SDAD1: variants seen among roughly 807,000 people sequenced by gnomAD.
SDAD1 encodes protein SDA1 homolog.
In SDAD1, 79 loss-of-function variants were observed where a neutral mutation model predicts 100.3. The ratio of observed to expected loss-of-function variants is 0.79; its 90% CI spans 0.66 to 0.95. SDAD1 has a LOEUF of 0.95. Among genes scored for constraint, SDAD1 ranks in the 40% least tolerant of loss-of-function variants. The pLI, the probability that SDAD1 is intolerant of heterozygous loss-of-function variation, is 0.00. For synonymous variants in SDAD1, 267 were observed against 271.4 expected (o/e 0.98, Z 0.16); for missense variants, 790 against 810.9 (o/e 0.97, Z 0.31).
chr4:75,978,982 G>GAAAAAAAAAA (rs538009004), intron 3 of SDAD1, among the ~76,000 whole-genome samples: 2,043 of 38,028 alleles, frequency 0.054, 378 homozygotes, highest in East Asian at 0.13. Flanking sequence ...CCCTGTCTCA[G>GAAAAAAAAAA]AAAAAAAAAA....
At position 75,950,514 on chromosome 4, in the gene SDAD1, T is replaced by C. The variant is rs1728573072; in HGVS notation, c.*236A>G. 1 of 447,878 alleles carries C rather than the reference T, an allele frequency of 2.2e-6. No individual in the cohort carries two copies. The highest frequency in any genetic ancestry group is 4.1e-6 in the Non-Finnish European group (1 of 241,584). The allele number at this position is 447,878 out of a possible 1,614,324, so 27.7% of individuals were successfully genotyped here. A position where few individuals can be genotyped will look rare whatever the true frequency, so the allele number is the denominator to read the frequency against. On this transcript the variant is annotated 3_prime_UTR_variant, in exon 22 of 22. Transcript: ENST00000356260. ...ATGAATAGGCACTCAATACATACTT[T>C]TTTTTGCATGAATGATAAATGAAAT... is the stretch of plus-strand genomic sequence containing the variant.
At chr4:75,973,486 G>A in intron 7 of SDAD1, 95 bp from the exon 8 acceptor site, 1 of 820,278 alleles carries the variant, frequency 1.2e-6, no homozygotes, top group Non-Finnish European at 2.0e-6. Context: ...CATGAACTAA[G>A]ATCTGAAGAA....
chr4:75,965,689 G>GA, intron 13 of SDAD1, 75 bp downstream of exon 13: 1 of 1,229,626 alleles, frequency 8.1e-7, no homozygotes. Flanking sequence ...AGGTTCCCCC[G>GA]ATAGACCCTG....
chr4:75,960,114 C>T lies in SDAD1; in HGVS notation c.1435G>A (p.Ala479Thr). The change falls in exon 17 of 22, where the codon GCA (alanine) becomes ACA (threonine). Residue 479 changes from alanine (A) to threonine (T), a missense_variant. Coordinates refer to ENST00000356260, the MANE Select transcript of SDAD1 (RefSeq NM_018115.4). The stretch of plus-strand genomic sequence containing the variant: ...TCTTTCTCAACTTCCAGAACTTCTG[C>T]TCCTGGAATGTAATCTTTAGCATCT... ...ELDAKDYIPG[A>T]EVLEVEKEEN... 6.2e-7 allele frequency: 1 copy of T among 1,611,380 alleles called. No individual in the cohort carries two copies. Among genetic ancestry groups the T allele is most frequent in the Non-Finnish European group, 8.5e-7 (1 of 1,179,272 alleles).
rs561682793 is a variant in SDAD1 at position 75,985,990 on chromosome 4, T to G, written c.91-3953A>C. ...CCTCCATGCGTATACTTCAACTCAC[T>G]TGCCCATTTCTCTTATCATTATACC... On this transcript the variant is annotated intron_variant, in intron 1 of 21. Coordinates refer to ENST00000356260, the MANE Select transcript of SDAD1 (RefSeq NM_018115.4). Among the ~76,000 whole-genome samples the G allele has an allele frequency of 5.3e-5, 8 of 152,300 alleles. No individual in the cohort carries two copies. The East Asian group carries it at 1.3e-3, about 26-fold the overall frequency.
intron 11 of SDAD1, among the ~76,000 whole-genome samples, chr4:75,968,836 C>T (rs879570839): frequency 1.3e-5 from 2 of 151,874 alleles, no homozygotes; most frequent in African/African-American, 2.4e-5. Flanking sequence ...TTGAGACCAG[C>T]CTGGCCAATA....
At chr4:75,971,814 G>C (rs1729882463) in intron 8 of SDAD1, among the ~76,000 whole-genome samples, 1 of 152,104 alleles carries the variant, frequency 6.6e-6, no homozygotes, top group Admixed American at 6.5e-5. Context: ...GGAAGTTACA[G>C]TGAGCTGAGA....
chr4:75,990,278 C>G (rs542069654), intron 1 of SDAD1, among the ~76,000 whole-genome samples: 75 of 144,284 alleles, frequency 5.2e-4, no homozygotes, highest in South Asian at 2.0e-3. Flanking sequence ...TGAGAAACCC[C>G]CCCCCCCCCT....
chr4:75,950,773 T>A lies in SDAD1; in HGVS notation c.2041A>T (p.Lys681Ter), dbSNP rs1728586015. 1 of 1,592,906 alleles carries A rather than the reference T, an allele frequency of 6.3e-7. No homozygotes were observed. Among genetic ancestry groups the A allele is most frequent in the African/African-American group, 1.3e-5 (1 of 74,648 alleles). Residue 681 changes from lysine (K) to a stop codon, truncating the protein, a stop_gained, in exon 22 of 22, where the codon AAA becomes TAA. Transcript: ENST00000356260. LOFTEE classifies it high-confidence loss of function. ...AGTTACTTCATTCTTTTTCTCTTTTTCAAAAGTGCATCTCGTAGTGCCAAC... is the reference window on the plus strand; with the variant it reads ...AGTTACTTCATTCTTTTTCTCTTTTACAAAAGTGCATCTCGTAGTGCCAAC... ...KQLALRDALL[K>*]KRKRMK is the part of the protein sequence containing the mutation.
intron 11 of SDAD1, among the ~76,000 whole-genome samples, chr4:75,967,991 T>C (rs535486908): frequency 6.6e-6 from 1 of 152,242 alleles, no homozygotes; most frequent in South Asian, 2.1e-4. Context: ...GGTATATCAG[T>C]TAGGTGGGAA....
At chr4:75,960,022 T>C (rs1729139348) in intron 17 of SDAD1, 44 bp downstream of exon 17, 1 of 1,582,054 alleles carries the variant, frequency 6.3e-7, no homozygotes, top group African/African-American at 1.3e-5. Context: ...GCACAGATAC[T>C]GCAGGAGTGT....
intron 9 of SDAD1, 82 bp downstream of exon 9, chr4:75,971,275 T>C (rs1239985786): frequency 2.0e-5 from 19 of 944,414 alleles, no homozygotes; most frequent in Non-Finnish European, 2.8e-5. Flanking sequence ...ACTCTGATTT[T>C]AAATTCTTAA....
intron 13 of SDAD1, among the ~76,000 whole-genome samples, chr4:75,965,347 T>C (rs1729477400): frequency 6.6e-6 from 1 of 152,214 alleles, no homozygotes; most frequent in Non-Finnish European, 1.5e-5. Context: ...ATGTTATCAA[T>C]GACAATGCGT....
chr4:75,984,178 A>C (rs903981672), intron 1 of SDAD1, among the ~76,000 whole-genome samples: 7 of 151,570 alleles, frequency 4.6e-5, no homozygotes, highest in African/African-American at 7.3e-5. Context: ...AAAAAAAAAA[A>C]AAAGACTAGG....
intron 3 of SDAD1, among the ~76,000 whole-genome samples, chr4:75,980,283 T>C (rs990577585): frequency 6.6e-6 from 1 of 152,164 alleles, no homozygotes; most frequent in African/African-American, 2.4e-5. Context: ...TCTGAGACAG[T>C]ATTCTTTTTC....
At chr4:75,976,479 A>G (rs1730165153) in intron 4 of SDAD1, among the ~76,000 whole-genome samples, 1 of 152,218 alleles carries the variant, frequency 6.6e-6, no homozygotes, top group Admixed American at 6.5e-5. Context: ...AAGACCACAT[A>G]TTGTTATGAT....
chr4:75,960,589 C>T (rs1485516077), intron 16 of SDAD1, among the ~76,000 whole-genome samples: 4 of 152,218 alleles, frequency 2.6e-5, no homozygotes, highest in Non-Finnish European at 5.9e-5. Context: ...TAGATCAAGA[C>T]ACTGGTAGTT....
intron 21 of SDAD1, among the ~76,000 whole-genome samples, chr4:75,954,097 G>T (rs935435308): frequency 6.6e-6 from 1 of 151,828 alleles, no homozygotes; most frequent in African/African-American, 2.4e-5. Flanking sequence ...CCACGCCTGG[G>T]GCCAGGCGCG....
intron 21 of SDAD1, among the ~76,000 whole-genome samples, chr4:75,952,614 C>T (rs1468496999): frequency 6.6e-6 from 1 of 152,138 alleles, no homozygotes; most frequent in African/African-American, 2.4e-5. Context: ...TGAAATATCA[C>T]CAAAGGGTAG....
Sources: gnomAD v4.1 joint callset for allele counts (sites outside exome capture counted in the v4.1 genomes callset) on GRCh38, gnomAD v4.1.1 for gene constraint, MANE v1.5 for transcripts, NCBI Gene and HGNC (gene_info 2026-07-23, HGNC 2026-07-21) for gene names.